Variants in PTPRO observed in about 807,000 individuals in gnomAD.
The protein encoded by PTPRO is receptor-type tyrosine-protein phosphatase O.
A neutral mutation model predicts 145.2 loss-of-function variants in PTPRO; 62 were observed. That is an observed-to-expected ratio of 0.43 (90% confidence interval 0.35 to 0.53). The LOEUF is 0.53. Among genes scored for constraint, PTPRO ranks in the 20% least tolerant of loss-of-function variants. The pLI, the probability that PTPRO is intolerant of heterozygous loss-of-function variation, is 0.01. For missense variants in PTPRO, 1,345 were observed against 1,482.7 expected (o/e 0.91, Z 1.53); for synonymous variants, 565 against 514.7 (o/e 1.10, Z -1.32).
At chr12:15,347,601 G>C (rs1867269031) in intron 1 of PTPRO, among the ~76,000 whole-genome samples, 1 of 152,156 alleles carries the variant, frequency 6.6e-6, no homozygotes, top group Non-Finnish European at 1.5e-5. Context: ...CACAAACCTT[G>C]GCACATACAG....
chr12:15,424,902 C>T (rs1309575967), intron 1 of PTPRO, among the ~76,000 whole-genome samples: 1 of 152,036 alleles, frequency 6.6e-6, no homozygotes. Flanking sequence ...GAGGATGGCT[C>T]CCATCTCATC....
intron 1 of PTPRO, among the ~76,000 whole-genome samples, chr12:15,377,543 T>G (rs1224662107): frequency 6.6e-6 from 1 of 151,950 alleles, no homozygotes; most frequent in Non-Finnish European, 1.5e-5. Context: ...AATTTAAAAA[T>G]TATAGTTGGA....
chr12:15,495,514 G>GACCTAAGA (rs1224483300), intron 2 of PTPRO, among the ~76,000 whole-genome samples: 1 of 151,774 alleles, frequency 6.6e-6, no homozygotes, highest in Non-Finnish European at 1.5e-5. Context: ...GCCTATAGAT[G>GACCTAAGA]ATGTCCAAGA....
chr12:15,349,292 G>C (rs1937712365), intron 1 of PTPRO, among the ~76,000 whole-genome samples: 1 of 152,196 alleles, frequency 6.6e-6, no homozygotes, highest in Non-Finnish European at 1.5e-5. Context: ...TTAGTACCAT[G>C]TTAAGCTAAG....
At position 15,580,850 on chromosome 12, in the gene PTPRO, T is replaced by C. The variant is rs866817894; in HGVS notation, c.3132+19T>C. 1 of 1,613,764 alleles carries C rather than the reference T, an allele frequency of 6.2e-7. No individual in the cohort carries two copies. The highest frequency in any genetic ancestry group is 1.7e-4 in the Middle Eastern group (1 of 6,056). ...AAGGAGGGTACGTACTTACTGAAAC[T>C]GCTCCCACTTAGCAGCAAAACCTGC... is the stretch of plus-strand genomic sequence containing the variant. On this transcript the variant is annotated intron_variant, in intron 22 of 26. Transcript: ENST00000281171.
At chr12:15,544,797 T>C (rs1039676855) in intron 12 of PTPRO, among the ~76,000 whole-genome samples, 5 of 152,200 alleles carry the variant, frequency 3.3e-5, no homozygotes, top group Admixed American at 3.3e-4. Flanking sequence ...GAAGTGGAAA[T>C]TGACCTCTGT....
At chr12:15,357,725 G>A (rs1456061893) in intron 1 of PTPRO, among the ~76,000 whole-genome samples, 1 of 151,300 alleles carries the variant, frequency 6.6e-6, no homozygotes, top group South Asian at 2.1e-4. Flanking sequence ...TCATTAAAAA[G>A]TCAGGAAACA....
intron 1 of PTPRO, among the ~76,000 whole-genome samples, chr12:15,461,809 G>A (rs372073925): frequency 2.6e-5 from 4 of 151,690 alleles, no homozygotes; most frequent in East Asian, 1.9e-4. Context: ...CTCGTGATCC[G>A]CCCGCCTCAG....
chr12:15,511,904 T>A (rs1942449290), intron 7 of PTPRO, among the ~76,000 whole-genome samples: 1 of 152,042 alleles, frequency 6.6e-6, no homozygotes, highest in South Asian at 2.1e-4. Flanking sequence ...AGGTAGTCAT[T>A]TGAATAGTTA....
intron 1 of PTPRO, among the ~76,000 whole-genome samples, chr12:15,330,115 A>T (rs1325643873): frequency 2.6e-5 from 4 of 152,194 alleles, no homozygotes; most frequent in Non-Finnish European, 5.9e-5. Context: ...TAATCAAGGC[A>T]TTAGTGAGAT....
At chr12:15,579,451 T>C (rs1449148856) in intron 20 of PTPRO, among the ~76,000 whole-genome samples, 2 of 152,240 alleles carry the variant, frequency 1.3e-5, no homozygotes, top group Non-Finnish European at 2.9e-5. Flanking sequence ...TTCTCTCTGC[T>C]ACACGCTGTG....
At chr12:15,384,590 C>A (rs1180984797) in intron 1 of PTPRO, among the ~76,000 whole-genome samples, 1 of 152,148 alleles carries the variant, frequency 6.6e-6, no homozygotes, top group Non-Finnish European at 1.5e-5. Context: ...AATTAGGAAC[C>A]CTCCACTTTA....
chr12:15,415,369 T>G (rs1256697546), intron 1 of PTPRO, among the ~76,000 whole-genome samples: 1 of 143,554 alleles, frequency 7.0e-6, no homozygotes, highest in Non-Finnish European at 1.5e-5. Context: ...AAATCAGGGA[T>G]TTGTTAGGTG....
At chr12:15,570,063 T>A (rs1944006829) in intron 19 of PTPRO, among the ~76,000 whole-genome samples, 1 of 152,200 alleles carries the variant, frequency 6.6e-6, no homozygotes, top group Non-Finnish European at 1.5e-5. Context: ...AAGAAAAAAA[T>A]TGACAACATC....
At chr12:15,548,470 G>T (rs370202233) in intron 13 of PTPRO, among the ~76,000 whole-genome samples, 89 of 151,872 alleles carry the variant, frequency 5.9e-4, no homozygotes, top group African/African-American at 2.1e-3. Context: ...ATGTGTGTAC[G>T]TTCACACATA....
chr12:15,372,865 T>G (rs948451650), intron 1 of PTPRO, among the ~76,000 whole-genome samples: 3 of 152,186 alleles, frequency 2.0e-5, no homozygotes, highest in Admixed American at 6.5e-5. Flanking sequence ...GTGTCCATAA[T>G]TTATGTAGGC....
In PTPRO at chr12:15,565,584, A is replaced by T. The variant is rs756198972; in HGVS notation, c.2712-9A>T. 6.9e-7 allele frequency: 1 copy of T among 1,450,180 alleles called. No homozygotes were observed. The highest frequency in any genetic ancestry group is 9.7e-7 in the Non-Finnish European group (1 of 1,035,402). The allele number at this position is 1,450,180 out of a possible 1,614,324, so 89.8% of individuals were successfully genotyped here. On this transcript the variant is annotated splice_polypyrimidine_tract_variant and intron_variant, in intron 17 of 26. Coordinates refer to ENST00000281171, the MANE Select transcript of PTPRO (RefSeq NM_030667.3). ...CAGATAAATTTGTCTTTTCTTTTTTAATTATCAGGAGTAAAAATGGTTTAA... is the reference window on the plus strand; with the variant it reads ...CAGATAAATTTGTCTTTTCTTTTTTTATTATCAGGAGTAAAAATGGTTTAA...
chr12:15,382,417 C>G (rs1024837210), intron 1 of PTPRO, among the ~76,000 whole-genome samples: 4 of 152,114 alleles, frequency 2.6e-5, no homozygotes, highest in Non-Finnish European at 4.4e-5. Context: ...ATTCTGAGAT[C>G]CCTGGAATCT....
At chr12:15,537,757 A>G (rs1943094528) in intron 12 of PTPRO, among the ~76,000 whole-genome samples, 3 of 152,190 alleles carry the variant, frequency 2.0e-5, no homozygotes, top group Admixed American at 2.0e-4. Context: ...AAAACTGTTG[A>G]TGCAGCATAG....
Sources: gnomAD v4.1 joint callset for allele counts (sites outside exome capture counted in the v4.1 genomes callset) on GRCh38, gnomAD v4.1.1 for gene constraint, MANE v1.5 for transcripts, NCBI Gene and HGNC (gene_info 2026-07-23, HGNC 2026-07-21) for gene names.